Variants in RAD51AP1 observed in about 807,000 individuals in gnomAD.
RAD51AP1 encodes RAD51 associated protein 1.
Under a neutral mutation model 34.3 loss-of-function variants are expected in RAD51AP1, and 14 were observed. That is an observed-to-expected ratio of 0.41 (90% CI 0.27 to 0.64). The LOEUF is 0.64. Among genes scored for constraint, RAD51AP1 ranks in the 30% least tolerant of loss-of-function variants. RAD51AP1 has a pLI of 0.33. For synonymous variants in RAD51AP1, 114 were observed against 129.8 expected, an observed-to-expected ratio of 0.88 and a Z score of 0.83; for missense variants, 348 against 386.9, an observed-to-expected ratio of 0.90 and a Z score of 0.84.
At chr12:4,555,877 A>T (rs1473148583) in intron 7 of RAD51AP1, among the ~76,000 whole-genome samples, 2 of 152,118 alleles carry the variant, frequency 1.3e-5, no homozygotes, top group Non-Finnish European at 2.9e-5. Context: ...TGTTCTTCCC[A>T]CTGAAGTCTA....
Position 4,556,667 on chromosome 12 carries a change from A to AT in RAD51AP1, c.871+167dup, listed in dbSNP as rs201243183. 1,431 of 692,664 alleles carry AT rather than the reference A, an allele frequency of 2.1e-3. 21 individuals are homozygous for AT. In the African/African-American group the frequency reaches 0.022, roughly 11 times the overall value. 42.9% of individuals were successfully genotyped at this position (692,664 alleles called of 1,614,324 possible). On this transcript the variant is annotated intron_variant, in intron 8 of 8. Coordinates refer to ENST00000352618, the MANE Select transcript of RAD51AP1 (RefSeq NM_006479.5). The stretch of plus-strand genomic sequence containing the variant: ...ATATTCATTTATTTAACCATTCCTT[A>AT]TTATTGGACATCCAGGTTTATTATT...
chr12:4,538,943 G>A lies in RAD51AP1; in HGVS notation c.4G>A (p.Val2Met). 1.2e-6 allele frequency: 2 copies of A among 1,614,108 alleles called. No homozygotes were observed. Among genetic ancestry groups the A allele is most frequent in the Non-Finnish European group, 1.7e-6 (2 of 1,179,950 alleles). M[V>M]RPVRHKKPVN... is the part of the protein sequence containing the mutation. Reference sequence around the variant, plus strand: ...ATACCAAGCCTTGAAAGGGACCATGGTGCGGCCTGTGAGGTGGGTAGTTCC... The same window carrying A: ...ATACCAAGCCTTGAAAGGGACCATGATGCGGCCTGTGAGGTGGGTAGTTCC... The change falls in exon 1 of 9, where the codon GTG (valine) becomes ATG (methionine). Residue 2 changes from valine to methionine, a missense_variant. Val to Met is a conservative substitution (Grantham distance 21, BLOSUM62 1). Transcript: ENST00000352618.
intron 2 of RAD51AP1, among the ~76,000 whole-genome samples, chr12:4,542,808 A>G (rs1658606736): frequency 6.6e-6 from 1 of 152,248 alleles, no homozygotes; most frequent in Admixed American, 6.5e-5. Flanking sequence ...TTGACAGTCA[A>G]GAGTAGAACT....
At position 4,556,379 on chromosome 12, in the gene RAD51AP1, G is replaced by T; in HGVS notation, c.748G>T (p.Ala250Ser). The change falls in exon 8 of 9, where the codon GCC (alanine) becomes TCC (serine). Residue 250 changes from alanine (A) to serine (S), a missense_variant. Ala to Ser is a moderately conservative substitution (Grantham distance 99). Transcript: ENST00000352618. ...GACTTCGGTGGACTCTGCTCCAGCT[G>T]CCGTCAAATCAGAATCTCAGTCCTT... ...LVTSVDSAPAAVKSESQSLPK... is the reference protein window; with the variant it reads ...LVTSVDSAPASVKSESQSLPK... 6.2e-7 allele frequency: 1 copy of T among 1,613,476 alleles called. No individual in the cohort carries two copies. Among genetic ancestry groups the T allele is most frequent in the East Asian group, 2.2e-5 (1 of 44,866 alleles).
intron 8 of RAD51AP1, among the ~76,000 whole-genome samples, chr12:4,558,282 G>A (rs1337135137): frequency 6.6e-6 from 1 of 152,064 alleles, no homozygotes; most frequent in Non-Finnish European, 1.5e-5. Flanking sequence ...TAGGGTAGCA[G>A]GTATAATTAT....
chr12:4,555,512 C>T (rs2137290205), intron 7 of RAD51AP1, among the ~76,000 whole-genome samples: 1 of 152,228 alleles, frequency 6.6e-6, no homozygotes, highest in Middle Eastern at 3.4e-3. Context: ...CTGTGACTAG[C>T]CAGACTCTTG....
chr12:4,556,006 T>C (rs1944579464), intron 7 of RAD51AP1, among the ~76,000 whole-genome samples: 1 of 152,190 alleles, frequency 6.6e-6, no homozygotes, highest in Non-Finnish European at 1.5e-5. Context: ...GTTACAAGGA[T>C]GGGATTTTGG....
rs373973054 is a variant in RAD51AP1, at chr12:4,541,852, G to A, written c.18-32G>A. 15 of 1,279,720 alleles carry A rather than the reference G, an allele frequency of 1.2e-5. No homozygotes were observed. In the African/African-American group the frequency reaches 2.3e-4, roughly 19 times the overall value. The allele number at this position is 1,279,720 out of a possible 1,614,324, so 79.3% of individuals were successfully genotyped here. A position where few individuals can be genotyped will look rare whatever the true frequency, so the allele number is the denominator to read the frequency against. On this transcript the variant is annotated intron_variant, in intron 1 of 8. Coordinates refer to ENST00000352618, the MANE Select transcript of RAD51AP1 (RefSeq NM_006479.5). ...TAATAGTGGTGAGAAATTGACATTT[G>A]TGTTAATGAAAAAATTCTGTTTTGG...
rs77906706 is a variant in RAD51AP1, at chr12:4,553,438, G to C, written c.721+291G>C. On this transcript the variant is annotated intron_variant, in intron 7 of 8. Transcript: ENST00000352618. The stretch of plus-strand genomic sequence containing the variant: ...CAGTGAAAAACTGAGTGTCAGAGAG[G>C]TTAAATAATTTGTTGGAAATCTTAC... Among the ~76,000 whole-genome samples, 327 of 152,292 alleles carry C rather than the reference G, an allele frequency of 2.1e-3. 1 individual carries two copies. Among genetic ancestry groups the C allele is most frequent in the African/African-American group, 6.9e-3 (287 of 41,558 alleles).
At chr12:4,556,841 A>G (rs1565527968) in intron 8 of RAD51AP1, among the ~76,000 whole-genome samples, 1 of 152,212 alleles carries the variant, frequency 6.6e-6, no homozygotes, top group African/African-American at 2.4e-5. Flanking sequence ...TTCCTGAAGT[A>G]TGTATTTCTG....
chr12:4,544,613 G>A (rs1253944165), intron 3 of RAD51AP1, among the ~76,000 whole-genome samples: 1 of 151,968 alleles, frequency 6.6e-6, no homozygotes, highest in Non-Finnish European at 1.5e-5. Flanking sequence ...TTGTTTGTGA[G>A]TTTCTTGTAT....
intron 6 of RAD51AP1, among the ~76,000 whole-genome samples, chr12:4,551,100 T>C (rs1944542939): frequency 6.6e-6 from 1 of 152,088 alleles, no homozygotes; most frequent in Non-Finnish European, 1.5e-5. Flanking sequence ...ACAAAGAATA[T>C]ACTTATGAAG....
rs1410125921 is a variant in RAD51AP1 at position 4,548,039 on chromosome 12, C to G, written c.320-53C>G. On this transcript the variant is annotated intron_variant, in intron 4 of 8. Transcript: ENST00000352618. ...CATTTTAGTACTAATTTTCCTATATCTAGACATTGATTAAGATATATCTGA... is the reference window on the plus strand; with the variant it reads ...CATTTTAGTACTAATTTTCCTATATGTAGACATTGATTAAGATATATCTGA... The G allele has an allele frequency of 5.9e-6, 9 of 1,516,776 alleles. No homozygotes were observed. In the East Asian group the frequency reaches 7.1e-5, roughly 12 times the overall value. The allele number at this position is 1,516,776 out of a possible 1,614,324, so 94.0% of individuals were successfully genotyped here.
At chr12:4,539,009 C>T in intron 1 of RAD51AP1, 53 bp downstream of exon 1, 1 of 1,587,384 alleles carries the variant, frequency 6.3e-7, no homozygotes, top group Non-Finnish European at 8.7e-7. Flanking sequence ...AGGGAAAAGA[C>T]ATGAGACTAA....
intron 6 of RAD51AP1, among the ~76,000 whole-genome samples, chr12:4,552,693 A>G (rs1354868017): frequency 6.6e-6 from 1 of 152,236 alleles, no homozygotes; most frequent in Non-Finnish European, 1.5e-5. Flanking sequence ...TGCAGATGTT[A>G]TTCTAAATGC....
Position 4,548,788 on chromosome 12 carries a change from G to C in RAD51AP1, c.508G>C (p.Gly170Arg). The change falls in exon 6 of 9, where the codon GGC (glycine) becomes CGC (arginine). Residue 170 changes from glycine (G) to arginine (R), a missense_variant. Transcript: ENST00000352618. ...ACAGCAGAGGAAGATTCTTCTGGAA[G>C]GCAGTGATGGTGATAGTGCTAATGA... ...AAQQRKILLE[G>R]SDGDSANDTE... is the part of the protein sequence containing the mutation. The C allele has an allele frequency of 6.2e-7, 1 of 1,614,108 alleles. No individual in the cohort carries two copies. Among genetic ancestry groups the C allele is most frequent in the Non-Finnish European group, 8.5e-7 (1 of 1,179,970 alleles).
intron 1 of RAD51AP1, 110 bp downstream of exon 1, chr12:4,539,066 G>A: frequency 8.1e-7 from 1 of 1,237,776 alleles, no homozygotes; most frequent in South Asian, 1.3e-5. Context: ...GTGGGGTTAG[G>A]ATGGACGGTT....
At chr12:4,552,024 G>A (rs1402559463) in intron 6 of RAD51AP1, among the ~76,000 whole-genome samples, 3 of 152,110 alleles carry the variant, frequency 2.0e-5, no homozygotes, top group African/African-American at 7.2e-5. Context: ...TCTGAGTGGT[G>A]AGATTACAGA....
In RAD51AP1 at chr12:4,545,053, T is replaced by C. The variant is rs140531622; in HGVS notation, c.209+1149T>C. Among the ~76,000 whole-genome samples the C allele has an allele frequency of 9.4e-3, 1,434 of 152,288 alleles. 15 individuals carry two copies. Among genetic ancestry groups the C allele is most frequent in the Middle Eastern group, 0.051 (15 of 294 alleles). ...GTTATTACATGACCCAGCCTATGTA[T>C]GTATCCAAGAGAAATGAAAACATAT... On this transcript the variant is annotated intron_variant, in intron 3 of 8. Coordinates refer to ENST00000352618, the MANE Select transcript of RAD51AP1 (RefSeq NM_006479.5).
Sources: allele counts gnomAD v4.1 joint callset (sites outside exome capture counted in the v4.1 genomes callset), GRCh38; gene constraint gnomAD v4.1.1; transcripts MANE v1.5; gene names NCBI Gene and HGNC (gene_info 2026-07-23, HGNC 2026-07-21).